MAPK4: variants seen among roughly 807,000 people sequenced by gnomAD.
The protein encoded by MAPK4 is mitogen-activated protein kinase 4.
MAPK4 carries 22 observed loss-of-function variants against 47.7 expected under a neutral mutation model. The ratio of observed to expected loss-of-function variants is 0.46; its 90% confidence interval spans 0.33 to 0.66. MAPK4 has a LOEUF of 0.66. MAPK4 is among the 30% of genes least tolerant of loss of function. The pLI, the probability that MAPK4 is intolerant of heterozygous loss-of-function variation, is 0.02. For synonymous variants in MAPK4, 390 were observed against 365.7 expected, an observed-to-expected ratio of 1.07 and a Z score of -0.76; for missense variants, 736 against 831.7, an observed-to-expected ratio of 0.88 and a Z score of 1.42.
chr18:50,706,408 G>T (rs149927941), intron 2 of MAPK4, among the ~76,000 whole-genome samples: 2 of 111,516 alleles, frequency 1.8e-5, no homozygotes, highest in Admixed American at 9.9e-5. Context: ...CCCCGCCTCC[G>T]CCCCCACAGA....
At chr18:50,658,749 A>G (rs2043138169) in intron 1 of MAPK4, among the ~76,000 whole-genome samples, 1 of 152,148 alleles carries the variant, frequency 6.6e-6, no homozygotes, top group South Asian at 2.1e-4. Flanking sequence ...TATGAGCTGA[A>G]CCAAGCCTCA....
chr18:50,673,122 C>T (rs961087147), intron 2 of MAPK4, among the ~76,000 whole-genome samples: 11 of 152,010 alleles, frequency 7.2e-5, no homozygotes, highest in African/African-American at 1.7e-4. Context: ...ACCAAAAATA[C>T]GAAAATTAGC....
chr18:50,713,481 G>A (rs1192810191), intron 2 of MAPK4, among the ~76,000 whole-genome samples: 1 of 152,228 alleles, frequency 6.6e-6, no homozygotes, highest in Admixed American at 6.5e-5. Context: ...GACCATATGA[G>A]ATGTTTCCTT....
intron 1 of MAPK4, among the ~76,000 whole-genome samples, chr18:50,595,859 C>T (rs2042477300): frequency 6.6e-6 from 1 of 152,004 alleles, no homozygotes; most frequent in Non-Finnish European, 1.5e-5. Flanking sequence ...ACACGCTTTC[C>T]ATTTATTGTA....
At chr18:50,721,788 C>T (rs1910946868) in intron 3 of MAPK4, 150 bp from the exon 4 acceptor site, 2 of 672,004 alleles carry the variant, frequency 3.0e-6, no homozygotes, top group East Asian at 6.0e-5. Context: ...CACAGTTGAG[C>T]AGCAAATGAA....
At position 50,560,203 on chromosome 18, in the gene MAPK4, C is replaced by A. The variant is rs2042139991; in HGVS notation, c.-911C>A. ...CGGCGCCGCGGCCGCAGACAAAGGG[C>A]GGCTCGCGCCCGGGCCGCCACGCTC... is the stretch of plus-strand genomic sequence containing the variant. On this transcript the variant is annotated 5_prime_UTR_variant, in exon 1 of 6. Coordinates refer to ENST00000400384, the MANE Select transcript of MAPK4 (RefSeq NM_002747.4). 1 of 150,800 alleles carries A rather than the reference C, an allele frequency of 6.6e-6. No homozygotes were observed. Among genetic ancestry groups the A allele is most frequent in the Non-Finnish European group, 1.5e-5 (1 of 67,630 alleles). 9.3% of individuals were successfully genotyped at this position (150,800 alleles called of 1,614,324 possible).
chr18:50,690,309 T>C lies in MAPK4; in HGVS notation c.547-24770T>C, dbSNP rs567829968. Among the ~76,000 whole-genome samples, 4 of 152,374 alleles carry C rather than the reference T, an allele frequency of 2.6e-5. No homozygotes were observed. The East Asian group carries it at 7.7e-4, about 29-fold the overall frequency. ...CGTTCAGGTTGAGCTTTTATATTTC[T>C]AACCTACTCCCACGCCTACTCTTTC... On this transcript the variant is annotated intron_variant, in intron 2 of 5. Transcript: ENST00000400384.
At chr18:50,723,933 C>T (rs1218585146) in intron 4 of MAPK4, among the ~76,000 whole-genome samples, 1 of 151,440 alleles carries the variant, frequency 6.6e-6, no homozygotes, top group African/African-American at 2.4e-5. Context: ...TGGGGACCTG[C>T]AGGAGGATCA....
chr18:50,719,532 A>T (rs1265484665), intron 3 of MAPK4, among the ~76,000 whole-genome samples: 1 of 151,342 alleles, frequency 6.6e-6, no homozygotes, highest in Non-Finnish European at 1.5e-5. Flanking sequence ...TGACTCAAAG[A>T]CTCTTCCCAC....
At chr18:50,714,423 T>C (rs139752179) in intron 2 of MAPK4, among the ~76,000 whole-genome samples, 56 of 152,300 alleles carry the variant, frequency 3.7e-4, no homozygotes, top group African/African-American at 1.3e-3. Context: ...CAAAATCAGC[T>C]AGAACATTTA....
At chr18:50,676,356 C>A (rs1360875120) in intron 2 of MAPK4, among the ~76,000 whole-genome samples, 1 of 152,218 alleles carries the variant, frequency 6.6e-6, no homozygotes, top group Non-Finnish European at 1.5e-5. Flanking sequence ...AGCCACTAGA[C>A]ACGCCCCTCC....
chr18:50,567,244 C>G (rs1368530893), intron 1 of MAPK4, among the ~76,000 whole-genome samples: 1 of 152,152 alleles, frequency 6.6e-6, no homozygotes, highest in African/African-American at 2.4e-5. Context: ...TCCCCTAACC[C>G]CCACTCCCTG....
At position 50,664,202 on chromosome 18, in the gene MAPK4, G is replaced by A. The variant is rs745497107; in HGVS notation, c.244G>A (p.Glu82Lys). The change falls in exon 2 of 6, where the codon GAG (glutamate) becomes AAG (lysine). Residue 82 changes from glutamate (E) to lysine (K), a missense_variant. Physicochemically the swap from Glu to Lys is moderately conservative, Grantham distance 56 (BLOSUM62 1). Around this residue, in one of 3 missense-constraint regions of MAPK4, gnomAD observed 327 missense variants for 395.4 expected, o/e 0.83. Transcript: ENST00000400384. This position sits in a 1 kb window ranked among gnomAD's most constrained non-coding sequence, Gnocchi z 6.0. Reference protein sequence around the residue: ...LDHDNIVKVYEVLGPKGTDLQ... With the variant: ...LDHDNIVKVYKVLGPKGTDLQ... ...CCACGACAACATCGTCAAAGTGTAC[G>A]AGGTGCTCGGTCCCAAGGGCACTGA... 8.1e-6 allele frequency: 13 copies of A among 1,613,974 alleles called. No homozygotes were observed. The highest frequency in any genetic ancestry group is 1.3e-5 in the African/African-American group (1 of 74,930).
chr18:50,637,517 G>A (rs8091136), intron 1 of MAPK4, among the ~76,000 whole-genome samples: 148,823 of 152,288 alleles, frequency 0.98, 72,729 homozygotes, highest in Middle Eastern at 1. Flanking sequence ...AGTCAGACAG[G>A]TGTTTAAGGC....
At chr18:50,688,913 AAGAC>A (rs1282388269) in intron 2 of MAPK4, among the ~76,000 whole-genome samples, 1 of 149,820 alleles carries the variant, frequency 6.7e-6, no homozygotes, top group African/African-American at 2.4e-5. Flanking sequence ...AAAAAAAAGA[AAGAC>A]AGTGCATATC....
At position 50,663,433 on chromosome 18, in the gene MAPK4, C is replaced by T. The variant is rs1306562957; in HGVS notation, c.-526C>T. 1 of 152,430 alleles carries T rather than the reference C, an allele frequency of 6.6e-6. No individual in the cohort carries two copies. The highest frequency in any genetic ancestry group is 6.5e-5 in the Admixed American group (1 of 15,292). The allele number at this position is 152,430 out of a possible 1,614,324, so 9.4% of individuals were successfully genotyped here. A position where few individuals can be genotyped will look rare whatever the true frequency, so the allele number is the denominator to read the frequency against. On this transcript the variant is annotated 5_prime_UTR_variant, in exon 2 of 6. Coordinates refer to ENST00000400384, the MANE Select transcript of MAPK4 (RefSeq NM_002747.4). ...AATTCATTGATGGGATCCCTGCATA[C>T]TGCTTGGAACACAGAAAGAGGCTGT... is the stretch of plus-strand genomic sequence containing the variant.
chr18:50,643,915 C>T (rs2042964408), intron 1 of MAPK4, among the ~76,000 whole-genome samples: 1 of 152,084 alleles, frequency 6.6e-6, no homozygotes, highest in Admixed American at 6.5e-5. Context: ...CTTAACATCC[C>T]TTGTCCTCTG....
At chr18:50,679,655 G>A (rs1002293250) in intron 2 of MAPK4, among the ~76,000 whole-genome samples, 2 of 152,190 alleles carry the variant, frequency 1.3e-5, no homozygotes, top group Non-Finnish European at 2.9e-5. Flanking sequence ...AGCAGCTGAT[G>A]TAATCAGGCT....
At chr18:50,709,599 G>A (rs952649487) in intron 2 of MAPK4, among the ~76,000 whole-genome samples, 2 of 152,156 alleles carry the variant, frequency 1.3e-5, no homozygotes, top group African/African-American at 2.4e-5. Flanking sequence ...ACTCCAAGTC[G>A]GCAGCTCTGA....
Sources: gnomAD v4.1 joint callset for allele counts (sites outside exome capture counted in the v4.1 genomes callset) on GRCh38, gnomAD v4.1.1 for gene constraint, gnomAD v4.1.1 regional missense constraint, Gnocchi (gnomAD v3.1) non-coding constraint, MANE v1.5 for transcripts, NCBI Gene and HGNC (gene_info 2026-07-23, HGNC 2026-07-21) for gene names.